GABRB2: variants seen among roughly 807,000 people sequenced by gnomAD.
The protein encoded by GABRB2 is gamma-aminobutyric acid type A receptor subunit beta2.
In GABRB2, 16 loss-of-function variants were observed where a neutral mutation model predicts 54.7. The ratio of observed to expected loss-of-function variants is 0.29; its 90% CI spans 0.20 to 0.44. The LOEUF is 0.44. GABRB2 is among the 20% of genes least tolerant of loss of function. The probability of loss-of-function intolerance (pLI) is 1.00; values close to 1 mark genes in which losing one functional copy is unlikely to be tolerated. For synonymous variants in GABRB2, 244 were observed against 233.8 expected (o/e 1.04, Z -0.40); for missense variants, 355 against 644.0 (o/e 0.55, Z 4.86).
Position 161,463,560 on chromosome 5 carries a change from T to TATATAG in GABRB2, c.238-3717_238-3716insCTATAT, listed in dbSNP as rs1561659515. Among the ~76,000 whole-genome samples the TATATAG allele has an allele frequency of 1.3e-3, 75 of 59,398 alleles. 2 individuals carry two copies. Among genetic ancestry groups the TATATAG allele is most frequent in the African/African-American group, 3.3e-3 (67 of 20,134 alleles). The allele number at this position is 59,398 out of a possible 152,430, so 39.0% of individuals were successfully genotyped here. ...GTGATTCCAAATATTTTTATTTATA[T>TATATAG]ATATATATATATATATATATATATA... On this transcript the variant is annotated intron_variant, in intron 3 of 9. Coordinates refer to ENST00000393959, the MANE Select transcript of GABRB2 (RefSeq NM_001371727.1).
chr5:161,324,205 A>G (rs1440820625), intron 9 of GABRB2, among the ~76,000 whole-genome samples: 1 of 152,206 alleles, frequency 6.6e-6, no homozygotes, highest in Non-Finnish European at 1.5e-5. Flanking sequence ...TGATTTTTAT[A>G]TAAAATATGT....
intron 7 of GABRB2, among the ~76,000 whole-genome samples, chr5:161,332,403 GATAA>G (rs932041848): frequency 1.6e-4 from 25 of 152,124 alleles, no homozygotes; most frequent in Admixed American, 5.2e-4. Flanking sequence ...ATAATGCCTA[GATAA>G]ATAACACAGA....
intron 4 of GABRB2, among the ~76,000 whole-genome samples, chr5:161,454,339 T>C (rs762557566): frequency 5.7e-4 from 87 of 152,296 alleles, no homozygotes; most frequent in Middle Eastern, 3.4e-3. Flanking sequence ...TGCAGATACC[T>C]GGTTCCTCTA....
chr5:161,493,604 C>A (rs150191219), intron 3 of GABRB2, among the ~76,000 whole-genome samples: 1 of 151,702 alleles, frequency 6.6e-6, no homozygotes. Context: ...TCAGATCAAT[C>A]TGGAAAAACT....
At chr5:161,351,619 A>T (rs1223168755) in intron 5 of GABRB2, among the ~76,000 whole-genome samples, 1 of 152,102 alleles carries the variant, frequency 6.6e-6, no homozygotes, top group Non-Finnish European at 1.5e-5. Context: ...AAGCGGGAAA[A>T]GCTCCATGAC....
At chr5:161,341,757 TA>T in intron 5 of GABRB2, among the ~76,000 whole-genome samples, 1 of 151,004 alleles carries the variant, frequency 6.6e-6, no homozygotes, top group Non-Finnish European at 1.5e-5. Context: ...CATGGCATTT[TA>T]AAAAGTTATT....
chr5:161,516,187 C>T (rs939509452), intron 3 of GABRB2, among the ~76,000 whole-genome samples: 11 of 152,278 alleles, frequency 7.2e-5, no homozygotes, highest in African/African-American at 2.2e-4. Context: ...ACTTTTTTTA[C>T]TGTTGTTGAT....
At chr5:161,534,612 T>TTGAA (rs1310121463) in intron 3 of GABRB2, among the ~76,000 whole-genome samples, 1 of 152,066 alleles carries the variant, frequency 6.6e-6, no homozygotes, top group East Asian at 1.9e-4. Context: ...CAGAGGATTG[T>TTGAA]TGAAGGAAAA....
At chr5:161,380,238 C>T (rs1755423906) in intron 5 of GABRB2, among the ~76,000 whole-genome samples, 1 of 152,006 alleles carries the variant, frequency 6.6e-6, no homozygotes, top group Non-Finnish European at 1.5e-5. Context: ...ATCAGGTATG[C>T]CTTATCTCAC....
At chr5:161,408,286 T>A (rs1246105944) in intron 5 of GABRB2, among the ~76,000 whole-genome samples, 1 of 152,048 alleles carries the variant, frequency 6.6e-6, no homozygotes, top group Non-Finnish European at 1.5e-5. Context: ...ATATTGCAAA[T>A]ATTCTAAAAT....
intron 5 of GABRB2, among the ~76,000 whole-genome samples, chr5:161,349,310 A>G (rs541245332): frequency 1.3e-5 from 2 of 152,154 alleles, no homozygotes; most frequent in Non-Finnish European, 2.9e-5. Context: ...GATTATTAAG[A>G]TATTGAAAAT....
intron 3 of GABRB2, among the ~76,000 whole-genome samples, chr5:161,540,796 C>T (rs1261094156): frequency 6.6e-6 from 1 of 151,974 alleles, no homozygotes; most frequent in African/African-American, 2.4e-5. Flanking sequence ...AATGAGCAGC[C>T]ATTATTTTCT....
chr5:161,501,383 A>T (rs1759436782), intron 3 of GABRB2, among the ~76,000 whole-genome samples: 1 of 152,066 alleles, frequency 6.6e-6, no homozygotes, highest in South Asian at 2.1e-4. Context: ...TTCAACAGAG[A>T]GTTGTGATTT....
chr5:161,298,723 A>G (rs1417976970), intron 9 of GABRB2, among the ~76,000 whole-genome samples: 1 of 152,196 alleles, frequency 6.6e-6, no homozygotes, highest in Non-Finnish European at 1.5e-5. Context: ...GTTATTTTCC[A>G]TAGTGCTACT....
intron 3 of GABRB2, among the ~76,000 whole-genome samples, chr5:161,516,473 G>A (rs974357782): frequency 3.9e-5 from 6 of 152,060 alleles, no homozygotes; most frequent in South Asian, 2.1e-4. Context: ...TTCTATGCCC[G>A]TATTACAGAA....
intron 5 of GABRB2, among the ~76,000 whole-genome samples, chr5:161,384,142 G>A (rs1001610666): frequency 3.9e-5 from 6 of 152,102 alleles, no homozygotes; most frequent in Non-Finnish European, 7.4e-5. Context: ...CTCAATTTCT[G>A]ATAAAGGTCA....
intron 3 of GABRB2, among the ~76,000 whole-genome samples, chr5:161,515,962 C>T (rs998769705): frequency 1.4e-4 from 22 of 152,192 alleles, no homozygotes; most frequent in African/African-American, 5.3e-4. Context: ...GATTCCATGG[C>T]AGCTTTTCTG....
At chr5:161,375,118 G>A (rs1755253209) in intron 5 of GABRB2, among the ~76,000 whole-genome samples, 1 of 152,126 alleles carries the variant, frequency 6.6e-6, no homozygotes, top group Non-Finnish European at 1.5e-5. Context: ...CATGAGCTGA[G>A]TCCTAGTCGT....
At chr5:161,474,341 A>G (rs2113306162) in intron 3 of GABRB2, among the ~76,000 whole-genome samples, 1 of 152,064 alleles carries the variant, frequency 6.6e-6, no homozygotes, top group East Asian at 1.9e-4. Flanking sequence ...TCCCTCAGAA[A>G]TTGACTCATT....
Sources: gnomAD v4.1 joint callset for allele counts (sites outside exome capture counted in the v4.1 genomes callset) on GRCh38, gnomAD v4.1.1 for gene constraint, MANE v1.5 for transcripts, NCBI Gene and HGNC (gene_info 2026-07-23, HGNC 2026-07-21) for gene names.